Variants in ZNF365 observed in about 807,000 individuals in gnomAD.
ZNF365 encodes protein ZNF365.
In ZNF365, 22 loss-of-function variants were observed where a neutral mutation model predicts 35.0. That is an observed-to-expected ratio of 0.63 (90% CI 0.45 to 0.90). The LOEUF (loss-of-function observed/expected upper bound fraction) is 0.90. Among genes scored for constraint, ZNF365 ranks in the 40% least tolerant of loss-of-function variants. The pLI is 0.00. For missense variants in ZNF365, 448 were observed against 500.3 expected (o/e 0.90, Z 1.00); for synonymous variants, 188 against 196.2 (o/e 0.96, Z 0.35).
intron 3 of ZNF365, among the ~76,000 whole-genome samples, chr10:62,409,244 C>T (rs914554176): frequency 6.6e-6 from 1 of 152,080 alleles, no homozygotes; most frequent in African/African-American, 2.4e-5. Flanking sequence ...CATCCAGTTG[C>T]CTGAGGTATT....
intron 3 of ZNF365, among the ~76,000 whole-genome samples, chr10:62,436,716 T>C (rs1244892785): frequency 6.6e-6 from 1 of 152,184 alleles, no homozygotes; most frequent in African/African-American, 2.4e-5. Context: ...GCCAATTAAC[T>C]GAAAAAGCTA....
intron 3 of ZNF365, among the ~76,000 whole-genome samples, chr10:62,454,631 G>GGT (rs1840733497): frequency 3.3e-5 from 5 of 149,684 alleles, no homozygotes; most frequent in South Asian, 4.2e-4. Context: ...TGTGCTTCAT[G>GGT]TTTTTTTTTC....
At chr10:62,418,646 A>G (rs1840117929) in intron 3 of ZNF365, among the ~76,000 whole-genome samples, 3 of 152,108 alleles carry the variant, frequency 2.0e-5, no homozygotes, top group African/African-American at 7.2e-5. Context: ...GCAGTATGAA[A>G]ATACGTGGGC....
chr10:62,478,848 A>G (rs1841175357), intron 4 of ZNF365, among the ~76,000 whole-genome samples: 1 of 152,262 alleles, frequency 6.6e-6, no homozygotes, highest in Non-Finnish European at 1.5e-5. Flanking sequence ...TGCTGGGCTT[A>G]CAAGGGTGAG....
chr10:62,376,923 C>T lies in ZNF365; in HGVS notation c.730C>T (p.Leu244Phe), dbSNP rs1421702267. 10 of 1,609,698 alleles carry T rather than the reference C, an allele frequency of 6.2e-6. No homozygotes were observed. Among genetic ancestry groups the T allele is most frequent in the Non-Finnish European group, 7.6e-6 (9 of 1,178,418 alleles). ...QRLTESEEEL[L>F]RKEEEVVTFN... ...CCTGACGGAATCTGAGGAGGAGCTT[C>T]TTAGGAAAGAAGAGTAAGTGTTGCT... Residue 244 changes from leucine to phenylalanine, a missense_variant, in exon 2 of 5, where the codon CTT becomes TTT. Coordinates refer to ENST00000395254, the MANE Select transcript of ZNF365 (RefSeq NM_014951.3).
chr10:62,445,950 C>G (rs1327202184), intron 3 of ZNF365, among the ~76,000 whole-genome samples: 1 of 152,172 alleles, frequency 6.6e-6, no homozygotes, highest in African/African-American at 2.4e-5. Flanking sequence ...GAACTCTGGT[C>G]TTGTCTCATC....
At chr10:62,424,236 CA>C (rs1387801555) in intron 3 of ZNF365, among the ~76,000 whole-genome samples, 1 of 152,114 alleles carries the variant, frequency 6.6e-6, no homozygotes, top group Non-Finnish European at 1.5e-5. Context: ...CCCTTGCTAT[CA>C]AATTTAACAC....
intron 2 of ZNF365, among the ~76,000 whole-genome samples, chr10:62,387,461 A>C (rs1382240643): frequency 6.6e-6 from 1 of 152,240 alleles, no homozygotes; most frequent in Admixed American, 6.5e-5. Flanking sequence ...TTTATAAATC[A>C]GAAAAAAATA....
chr10:62,462,510 A>T (rs549714185), intron 4 of ZNF365, among the ~76,000 whole-genome samples: 1 of 152,356 alleles, frequency 6.6e-6, no homozygotes, highest in Non-Finnish European at 1.5e-5. Context: ...GGCATCCCAC[A>T]TGTGGCCTGA....
chr10:62,475,028 A>T (rs1447564429), intron 4 of ZNF365, among the ~76,000 whole-genome samples: 1 of 152,192 alleles, frequency 6.6e-6, no homozygotes, highest in African/African-American at 2.4e-5. Flanking sequence ...CCTGACAAGA[A>T]TGCATCTTGG....
At chr10:62,460,859 C>T (rs1160466371) in intron 4 of ZNF365, among the ~76,000 whole-genome samples, 1 of 152,132 alleles carries the variant, frequency 6.6e-6, no homozygotes, top group East Asian at 1.9e-4. Context: ...AACTCAGATG[C>T]CCATAGGAGC....
rs139268604 is a variant in ZNF365, at chr10:62,471,707, C to G, written c.982-8169C>G. Among the ~76,000 whole-genome samples the G allele has an allele frequency of 4.3e-3, 662 of 152,252 alleles. 5 individuals carry two copies. Among genetic ancestry groups the G allele is most frequent in the African/African-American group, 0.015 (627 of 41,536 alleles). ...GTACAAAAAAATCTGCATGATTATTCTCTAATTTCCTGCATTTTTTTAACA... is the reference window on the plus strand; with the variant it reads ...GTACAAAAAAATCTGCATGATTATTGTCTAATTTCCTGCATTTTTTTAACA... On this transcript the variant is annotated intron_variant, in intron 4 of 4. Transcript: ENST00000395255.
At chr10:62,465,436 C>A (rs1840925769) in intron 4 of ZNF365, among the ~76,000 whole-genome samples, 1 of 152,110 alleles carries the variant, frequency 6.6e-6, no homozygotes, top group East Asian at 1.9e-4. Context: ...GGGTGTGTCC[C>A]TAGTGAAAAC....
chr10:62,380,772 A>G (rs1218992646), intron 2 of ZNF365, among the ~76,000 whole-genome samples: 1 of 152,218 alleles, frequency 6.6e-6, no homozygotes, highest in Non-Finnish European at 1.5e-5. Context: ...GCTGTCTGTA[A>G]TCAGGTAAAT....
At chr10:62,462,308 T>A (rs1179792620) in intron 4 of ZNF365, among the ~76,000 whole-genome samples, 5 of 152,240 alleles carry the variant, frequency 3.3e-5, no homozygotes, top group Non-Finnish European at 5.9e-5. Context: ...TCTTCCTTGC[T>A]TAAGGCAATA....
chr10:62,380,561 C>A (rs1839421047), intron 2 of ZNF365, among the ~76,000 whole-genome samples: 2 of 152,182 alleles, frequency 1.3e-5, no homozygotes, highest in African/African-American at 4.8e-5. Context: ...TTCACCTAAT[C>A]CCTGCATTGT....
intron 3 of ZNF365, among the ~76,000 whole-genome samples, chr10:62,396,063 A>T (rs373758103): frequency 6.6e-6 from 1 of 152,342 alleles, no homozygotes; most frequent in East Asian, 1.9e-4. Flanking sequence ...CAAAGGGGCC[A>T]GGAGGAACAG....
intron 3 of ZNF365, among the ~76,000 whole-genome samples, chr10:62,389,779 C>T (rs1465181841): frequency 6.6e-6 from 1 of 152,218 alleles, no homozygotes; most frequent in Non-Finnish European, 1.5e-5. Context: ...AGCCCCAGAA[C>T]TTTCCAGAAC....
intron 3 of ZNF365, among the ~76,000 whole-genome samples, chr10:62,419,414 A>G (rs1395752547): frequency 2.0e-5 from 3 of 151,984 alleles, no homozygotes; most frequent in Non-Finnish European, 2.9e-5. Context: ...CAAAGGGAGG[A>G]CAGCTATCTA....
Sources: gnomAD v4.1 joint callset for allele counts (sites outside exome capture counted in the v4.1 genomes callset) on GRCh38, gnomAD v4.1.1 for gene constraint, MANE v1.5 for transcripts, NCBI Gene and HGNC (gene_info 2026-07-23, HGNC 2026-07-21) for gene names.